The following CIMAP3 variants were observed in gnomAD, a reference collection of about 807,000 sequenced individuals.
The protein encoded by CIMAP3 is ciliary microtubule associated protein 3, also known as ciliary microtubule-associated protein 3.
At chr1:111,325,931 T>C in the CIMAP3 span, among the ~76,000 whole-genome samples, 1 of 152,168 alleles carries the variant, frequency 6.6e-6, no homozygotes, top group African/African-American at 2.4e-5. Context: ...CAGAAAAAGG[T>C]AAATAGCTTT....
the CIMAP3 span, among the ~76,000 whole-genome samples, chr1:111,344,067 T>G: frequency 6.6e-6 from 1 of 152,232 alleles, no homozygotes; most frequent in African/African-American, 2.4e-5. Flanking sequence ...CTGTTTCTAC[T>G]CTTTTATTAT....
the CIMAP3 span, among the ~76,000 whole-genome samples, chr1:111,335,195 C>CAT: frequency 8.6e-3 from 974 of 112,864 alleles, 16 homozygotes; most frequent in African/African-American, 0.03. Flanking sequence ...GAATAAAAAA[C>CAT]AGAAAATTTC....
the CIMAP3 span, chr1:111,346,679 G>A: frequency 2.5e-6 from 4 of 1,613,774 alleles, no homozygotes; most frequent in Non-Finnish European, 2.5e-6. Flanking sequence ...CAGGTGAGGA[G>A]GGCTGCCGAG....
the CIMAP3 span, among the ~76,000 whole-genome samples, chr1:111,341,516 T>G: frequency 7.9e-3 from 1,204 of 152,288 alleles, 16 homozygotes; most frequent in African/African-American, 0.027. Context: ...TTGCTCTGTG[T>G]GGCCTGTGTG....
the CIMAP3 span, chr1:111,352,299 C>T: frequency 2.6e-4 from 39 of 152,718 alleles, no homozygotes; most frequent in African/African-American, 8.9e-4. Context: ...TAGGCTTCTT[C>T]GTAATTACCA....
At chr1:111,346,380 G>A in the CIMAP3 span, 8 of 432,128 alleles carry the variant, frequency 1.9e-5, no homozygotes, top group Non-Finnish European at 3.4e-5. Context: ...AGCTTCCAAA[G>A]CTATTTGCCG....
the CIMAP3 span, among the ~76,000 whole-genome samples, chr1:111,336,091 G>C: frequency 0.13 from 19,367 of 152,182 alleles, 1,346 homozygotes; most frequent in African/African-American, 0.16. Flanking sequence ...AGGCAAACAG[G>C]GTCTGGAGTG....
chr1:111,340,199 A>G, the CIMAP3 span, among the ~76,000 whole-genome samples: 1 of 151,966 alleles, frequency 6.6e-6, no homozygotes, highest in Non-Finnish European at 1.5e-5. Flanking sequence ...TTATACAAAA[A>G]TCAATTCAAG....
the CIMAP3 span, chr1:111,346,809 G>A: frequency 1.3e-6 from 2 of 1,573,338 alleles, no homozygotes; most frequent in South Asian, 2.3e-5. Flanking sequence ...GCACGGTTGG[G>A]CCCTGTCCTC....
chr1:111,345,617 T>C, the CIMAP3 span, among the ~76,000 whole-genome samples: 1 of 152,164 alleles, frequency 6.6e-6, no homozygotes, highest in Non-Finnish European at 1.5e-5. Flanking sequence ...CTTAGATCTA[T>C]AAAAATCATC....
the CIMAP3 span, chr1:111,347,805 T>C: frequency 5.4e-6 from 8 of 1,494,162 alleles, no homozygotes; most frequent in Non-Finnish European, 7.5e-6. Flanking sequence ...TTATCCACGT[T>C]GTTGCATGCA....
chr1:111,352,221 A>G, the CIMAP3 span: 1,564 of 152,608 alleles, frequency 0.01, 6 homozygotes, highest in Non-Finnish European at 0.018. Flanking sequence ...AATCAAGTAT[A>G]TAGTTTGTTC....
the CIMAP3 span, chr1:111,351,543 G>T: frequency 1.7e-3 from 648 of 383,890 alleles, 3 homozygotes; most frequent in African/African-American, 0.012. Flanking sequence ...TGCATGTCTG[G>T]GTCTGTGGGT....
the CIMAP3 span, among the ~76,000 whole-genome samples, chr1:111,336,542 A>G: frequency 1.3e-5 from 2 of 152,242 alleles, no homozygotes; most frequent in East Asian, 1.9e-4. Flanking sequence ...CGAGAACTAC[A>G]TGAAGAATGC....
chr1:111,341,720 G>A, the CIMAP3 span, among the ~76,000 whole-genome samples: 1 of 152,216 alleles, frequency 6.6e-6, no homozygotes, highest in African/African-American at 2.4e-5. Flanking sequence ...AGTCAGGCCT[G>A]TGATTCTAAG....
the CIMAP3 span, among the ~76,000 whole-genome samples, chr1:111,326,509 T>C: frequency 6.6e-6 from 1 of 152,184 alleles, no homozygotes; most frequent in African/African-American, 2.4e-5. Context: ...TAGTATTTCA[T>C]TGGGTATATA....
the CIMAP3 span, among the ~76,000 whole-genome samples, chr1:111,347,226 G>A: frequency 1.3e-5 from 2 of 152,142 alleles, no homozygotes; most frequent in African/African-American, 4.8e-5. Context: ...AGAGATTAAA[G>A]GATTATTGCT....
the CIMAP3 span, chr1:111,346,552 G>C: frequency 6.3e-7 from 1 of 1,584,246 alleles, no homozygotes; most frequent in African/African-American, 1.3e-5. Flanking sequence ...AGGCGCGCTC[G>C]GGCCCTCTCC....
At chr1:111,351,235 C>G in the CIMAP3 span, 1 of 1,462,700 alleles carries the variant, frequency 6.8e-7, no homozygotes, top group South Asian at 1.1e-5. Context: ...GAATATTGAT[C>G]TAGAAAACGT....
Sources: allele counts gnomAD v4.1 joint callset (sites outside exome capture counted in the v4.1 genomes callset), GRCh38; gene constraint gnomAD v4.1.1; transcripts MANE v1.5; gene names NCBI Gene and HGNC (gene_info 2026-07-23, HGNC 2026-07-21).